Variants in EFCAB11 observed in about 807,000 individuals in gnomAD.
The protein encoded by EFCAB11 is EF-hand calcium-binding domain-containing protein 11.
A neutral mutation model predicts 23.0 loss-of-function variants in EFCAB11; 14 were observed. That is an observed-to-expected ratio of 0.61 (90% confidence interval 0.40 to 0.95). The LOEUF (loss-of-function observed/expected upper bound fraction) is 0.95, where lower values mean the gene tolerates loss of function less well. Among genes scored for constraint, EFCAB11 ranks in the 40% least tolerant of loss-of-function variants. The pLI is 0.00. For missense variants in EFCAB11, 198 were observed against 195.8 expected, an observed-to-expected ratio of 1.01 and a Z score of -0.07; for synonymous variants, 65 against 66.6, an observed-to-expected ratio of 0.98 and a Z score of 0.11.
intron 5 of EFCAB11, among the ~76,000 whole-genome samples, chr14:89,827,454 C>T (rs1408607961): frequency 1.3e-5 from 2 of 152,052 alleles, no homozygotes; most frequent in South Asian, 2.1e-4. Context: ...TCTGTATCTC[C>T]GGAGGACAGG....
At chr14:89,803,174 A>G (rs1378623913) in intron 5 of EFCAB11, among the ~76,000 whole-genome samples, 2 of 152,196 alleles carry the variant, frequency 1.3e-5, no homozygotes, top group East Asian at 3.9e-4. Flanking sequence ...CAGAGGAATC[A>G]CAGTTTAAGG....
intron 5 of EFCAB11, among the ~76,000 whole-genome samples, chr14:89,820,423 C>T (rs374733488): frequency 6.6e-6 from 1 of 152,034 alleles, no homozygotes; most frequent in Non-Finnish European, 1.5e-5. Context: ...CATTCCACCG[C>T]CCCCACCACT....
chr14:89,912,938 G>A lies in EFCAB11; in HGVS notation c.410+18603C>T, dbSNP rs143735816. Among the ~76,000 whole-genome samples the A allele has an allele frequency of 5.3e-5, 8 of 152,342 alleles. No homozygotes were observed. In the East Asian group the frequency reaches 1.5e-3, roughly 29 times the overall value. ...GAGCACAAGATTTCTGCTGTGGGCT[G>A]TACTCAGAGCTGGTTTATTTTCCTG... is the stretch of plus-strand genomic sequence containing the variant. On this transcript the variant is annotated intron_variant, in intron 5 of 5. Coordinates refer to ENST00000316738, the MANE Select transcript of EFCAB11 (RefSeq NM_145231.4).
intron 5 of EFCAB11, among the ~76,000 whole-genome samples, chr14:89,896,681 T>G (rs891955542): frequency 1.3e-5 from 2 of 152,070 alleles, no homozygotes; most frequent in African/African-American, 4.8e-5. Flanking sequence ...ATCCATACAA[T>G]GGAATGCTAT....
At chr14:89,836,606 G>A (rs765307897) in intron 5 of EFCAB11, 9 of 456,588 alleles carry the variant, frequency 2.0e-5, no homozygotes, top group South Asian at 1.4e-4. Context: ...GAACCTCCAG[G>A]AAATTGATGA....
At position 89,907,322 on chromosome 14, in the gene EFCAB11, TATG is replaced by T. The variant is rs573344855; in HGVS notation, c.410+24216_410+24218del. ...TATTTAAGTCATAAATGTTTCCTAT[TATG>T]ATGATGTTTAAACAGTTCATGACAG... On this transcript the variant is annotated intron_variant, in intron 5 of 5. Transcript: ENST00000316738. Among the ~76,000 whole-genome samples the T allele has an allele frequency of 1.5e-3, 228 of 152,360 alleles. 1 individual carries two copies. Among genetic ancestry groups the T allele is most frequent in the Non-Finnish European group, 2.9e-3 (199 of 68,026 alleles).
At chr14:89,905,864 A>G (rs1016840117) in intron 5 of EFCAB11, among the ~76,000 whole-genome samples, 3 of 152,196 alleles carry the variant, frequency 2.0e-5, no homozygotes, top group African/African-American at 7.2e-5. Flanking sequence ...ATGGATTTAG[A>G]GCAAAGACGG....
At chr14:89,892,326 C>T (rs1240138126) in intron 5 of EFCAB11, 21 of 1,613,730 alleles carry the variant, frequency 1.3e-5, no homozygotes, top group Non-Finnish European at 1.8e-5. Context: ...ATCCAGCAGG[C>T]CCTGCAGCAG....
At chr14:89,923,697 A>C in intron 5 of EFCAB11, 1 of 985,390 alleles carries the variant, frequency 1.0e-6, no homozygotes, top group African/African-American at 1.7e-5. Flanking sequence ...ATAGTCACTA[A>C]ATTAGGTACT....
intron 5 of EFCAB11, among the ~76,000 whole-genome samples, chr14:89,809,670 A>G (rs1381229841): frequency 1.3e-5 from 2 of 152,236 alleles, no homozygotes; most frequent in Non-Finnish European, 2.9e-5. Context: ...GTGTAAGAAG[A>G]CAAAACTAAG....
chr14:89,867,825 G>A (rs537822256), intron 5 of EFCAB11, among the ~76,000 whole-genome samples: 15 of 152,288 alleles, frequency 9.8e-5, no homozygotes, highest in African/African-American at 2.2e-4. Context: ...GGCAGCTGGC[G>A]ACTGTGGAGG....
At chr14:89,842,624 TATG>T (rs1887307131) in intron 5 of EFCAB11, among the ~76,000 whole-genome samples, 1 of 150,790 alleles carries the variant, frequency 6.6e-6, no homozygotes, top group South Asian at 2.1e-4. Context: ...TATGATATGA[TATG>T]ATATGATATG....
At chr14:89,866,158 G>A (rs1251601599) in intron 5 of EFCAB11, among the ~76,000 whole-genome samples, 1 of 152,182 alleles carries the variant, frequency 6.6e-6, no homozygotes, top group Non-Finnish European at 1.5e-5. Flanking sequence ...TTTTAAAGGA[G>A]ATGAAGTTCA....
intron 5 of EFCAB11, among the ~76,000 whole-genome samples, chr14:89,886,534 A>G (rs1177207140): frequency 2.1e-5 from 3 of 145,158 alleles, no homozygotes; most frequent in Non-Finnish European, 3.0e-5. Context: ...AAAAAAAAAA[A>G]AAAAAAAAAA....
chr14:89,935,928 AACCC>A (rs1431784858), intron 3 of EFCAB11, among the ~76,000 whole-genome samples: 3 of 152,160 alleles, frequency 2.0e-5, no homozygotes, highest in Non-Finnish European at 4.4e-5. Flanking sequence ...GAATCACCTG[AACCC>A]AGGAGGTGGA....
intron 5 of EFCAB11, among the ~76,000 whole-genome samples, chr14:89,883,355 T>C (rs983975990): frequency 6.6e-6 from 1 of 152,216 alleles, no homozygotes; most frequent in Non-Finnish European, 1.5e-5. Context: ...TGACTGAATA[T>C]ATAAATATAG....
intron 4 of EFCAB11, among the ~76,000 whole-genome samples, chr14:89,932,216 G>A (rs950538958): frequency 6.6e-6 from 1 of 152,012 alleles, no homozygotes; most frequent in Non-Finnish European, 1.5e-5. Flanking sequence ...GAAGCCACAC[G>A]GTCTCCCACA....
chr14:89,896,973 C>T (rs1017599667), intron 5 of EFCAB11, among the ~76,000 whole-genome samples: 5 of 152,140 alleles, frequency 3.3e-5, no homozygotes, highest in African/African-American at 1.2e-4. Context: ...CAGGTCCTCC[C>T]GCCTTGGCCT....
intron 5 of EFCAB11, chr14:89,892,145 G>C: frequency 1.9e-6 from 3 of 1,560,702 alleles, no homozygotes; most frequent in Non-Finnish European, 2.6e-6. Context: ...TCAGGGCCCG[G>C]ACAAGGTCAT....
Sources: gnomAD v4.1 joint callset for allele counts (sites outside exome capture counted in the v4.1 genomes callset) on GRCh38, gnomAD v4.1.1 for gene constraint, MANE v1.5 for transcripts, NCBI Gene and HGNC (gene_info 2026-07-23, HGNC 2026-07-21) for gene names.